SDK2: variants seen among roughly 807,000 people sequenced by gnomAD.
SDK2 encodes sidekick cell adhesion molecule 2.
SDK2 carries 105 observed loss-of-function variants against 253.9 expected under a neutral mutation model. The ratio of observed to expected loss-of-function variants is 0.41; its 90% CI spans 0.35 to 0.49. The LOEUF (loss-of-function observed/expected upper bound fraction) is 0.49, where lower values mean the gene tolerates loss of function less well. SDK2 is among the 20% of genes least tolerant of loss of function. The pLI, the probability that SDK2 is intolerant of heterozygous loss-of-function variation, is 0.06. For synonymous variants in SDK2, 1,249 were observed against 1,234.9 expected, an observed-to-expected ratio of 1.01 and a Z score of -0.24; for missense variants, 2,608 against 3,003.0, an observed-to-expected ratio of 0.87 and a Z score of 3.07.
intron 24 of SDK2, 115 bp downstream of exon 24, chr17:73,397,920 C>T: frequency 8.4e-7 from 1 of 1,192,978 alleles, no homozygotes; most frequent in East Asian, 2.6e-5. Flanking sequence ...GGCATCTCAT[C>T]AGAAAACAGA....
intron 1 of SDK2, among the ~76,000 whole-genome samples, chr17:73,626,884 C>T (rs974464015): frequency 5.3e-5 from 8 of 152,212 alleles, no homozygotes; most frequent in Non-Finnish European, 1.2e-4. Context: ...GTGCTGAGGA[C>T]AGAGGGGCAG....
intron 15 of SDK2, among the ~76,000 whole-genome samples, chr17:73,419,563 T>C (rs1215282104): frequency 6.6e-6 from 1 of 152,076 alleles, no homozygotes; most frequent in Non-Finnish European, 1.5e-5. Context: ...TGTGGATATA[T>C]GTATATGTCT....
At position 73,380,878 on chromosome 17, in the gene SDK2, A is replaced by T; in HGVS notation, c.4762+16T>A. ...GGCCTGGGCCCGCGATGAAGCCACC[A>T]TGCAAGGAGACTTACTGTCCAGCTC... On this transcript the variant is annotated intron_variant, in intron 34 of 44. Transcript: ENST00000392650. 6.6e-7 allele frequency: 1 copy of T among 1,508,106 alleles called. No homozygotes were observed. The highest frequency in any genetic ancestry group is 8.9e-7 in the Non-Finnish European group (1 of 1,117,678). 93.4% of individuals were successfully genotyped at this position (1,508,106 alleles called of 1,614,324 possible).
At chr17:73,472,882 C>T (rs568909601) in intron 2 of SDK2, among the ~76,000 whole-genome samples, 1 of 152,340 alleles carries the variant, frequency 6.6e-6, no homozygotes, top group East Asian at 1.9e-4. Flanking sequence ...CACAAGTTCT[C>T]TCTCTTTGCC....
At chr17:73,456,972 C>T (rs1053915104) in intron 3 of SDK2, among the ~76,000 whole-genome samples, 1 of 152,192 alleles carries the variant, frequency 6.6e-6, no homozygotes, top group Admixed American at 6.5e-5. Context: ...CACCTGGGCA[C>T]CTGTCAGAAA....
intron 40 of SDK2, among the ~76,000 whole-genome samples, chr17:73,355,931 TATC>T (rs1413650126): frequency 6.6e-6 from 1 of 152,212 alleles, no homozygotes; most frequent in Non-Finnish European, 1.5e-5. Context: ...CTTTGAATGA[TATC>T]ATAATGATGA....
chr17:73,419,098 C>T lies in SDK2; in HGVS notation c.2186+68G>A. On this transcript the variant is annotated intron_variant, in intron 16 of 44. Transcript: ENST00000392650. ...CCATGAATTTGCACTGTTTTCCAGT[C>T]CACTCCCGATCTTCCCCCATGCCTT... 4 of 1,548,396 alleles carry T rather than the reference C, an allele frequency of 2.6e-6. No individual in the cohort carries two copies. In the Middle Eastern group the frequency reaches 6.7e-4, roughly 260 times the overall value.
At chr17:73,628,681 G>T (rs570645005) in intron 1 of SDK2, among the ~76,000 whole-genome samples, 1 of 152,234 alleles carries the variant, frequency 6.6e-6, no homozygotes. Flanking sequence ...GGAGAGCCAG[G>T]GAAGTGGCCG....
At chr17:73,633,966 A>T (rs1195187096) in intron 1 of SDK2, among the ~76,000 whole-genome samples, 1 of 152,114 alleles carries the variant, frequency 6.6e-6, no homozygotes, top group Non-Finnish European at 1.5e-5. Context: ...GGACAGGTGG[A>T]GGCGAGATTG....
rs767298414 is a variant in SDK2, at chr17:73,609,606, TTG to T, written c.64+34417_64+34418del. Among the ~76,000 whole-genome samples the T allele has an allele frequency of 1.6e-4, 25 of 152,156 alleles. No homozygotes were observed. The highest frequency in any genetic ancestry group is 2.4e-4 in the Non-Finnish European group (16 of 68,040). The stretch of plus-strand genomic sequence containing the variant: ...CAGGGAAAACGGCTCAAGAGAAGGT[TTG>T]TTTTTTCAAGATGGGAGAAATCACA... On this transcript the variant is annotated intron_variant, in intron 1 of 44. Transcript: ENST00000392650. The surrounding 1 kb of genome is among the most constrained non-coding windows in gnomAD (Gnocchi z 4.4).
In SDK2 at chr17:73,443,500, C is replaced by T. The variant is rs934254398; in HGVS notation, c.614-2577G>A. On this transcript the variant is annotated intron_variant, in intron 5 of 44. Coordinates refer to ENST00000392650, the MANE Select transcript of SDK2 (RefSeq NM_001144952.2). The surrounding 1 kb of genome is among the most constrained non-coding windows in gnomAD (Gnocchi z 4.6). ...CAGACAGTTAGAGCCCAAGCCAGAG[C>T]GCCGCATGGCACAGCCAGGTAAACA... Among the ~76,000 whole-genome samples the T allele has an allele frequency of 2.0e-4, 30 of 152,330 alleles. No homozygotes were observed. The highest frequency in any genetic ancestry group is 2.9e-4 in the Non-Finnish European group (20 of 68,040).
intron 1 of SDK2, among the ~76,000 whole-genome samples, chr17:73,603,313 C>A (rs914413079): frequency 1.3e-5 from 2 of 152,154 alleles, no homozygotes; most frequent in South Asian, 2.1e-4. Flanking sequence ...CCTGGCCATG[C>A]GGGCAGAGGC....
intron 5 of SDK2, among the ~76,000 whole-genome samples, chr17:73,445,748 A>C (rs1204782557): frequency 6.6e-6 from 1 of 152,020 alleles, no homozygotes; most frequent in Admixed American, 6.5e-5. Context: ...TGTGTCACAG[A>C]GAGGAAGAGG....
chr17:73,638,151 GA>G (rs2046355310), intron 1 of SDK2, among the ~76,000 whole-genome samples: 1 of 152,218 alleles, frequency 6.6e-6, no homozygotes, highest in Admixed American at 6.5e-5. Flanking sequence ...GATGGGGCGA[GA>G]GGCCTGGCAG....
In SDK2 at chr17:73,606,076, G is replaced by T. The variant is rs1220113391; in HGVS notation, c.64+37949C>A. 2.0e-5 allele frequency among the ~76,000 whole-genome samples: 3 copies of T among 152,236 alleles called. No individual in the cohort carries two copies. The East Asian group carries it at 5.8e-4, about 29-fold the overall frequency. On this transcript the variant is annotated intron_variant, in intron 1 of 44. Transcript: ENST00000392650. Reference sequence around the variant, plus strand: ...ATGGGATCTCACTAGCAGAGATGGGGCTGTGTTGGTTTTCTTTTGCAAAGA... The same window carrying T: ...ATGGGATCTCACTAGCAGAGATGGGTCTGTGTTGGTTTTCTTTTGCAAAGA...
intron 3 of SDK2, among the ~76,000 whole-genome samples, chr17:73,457,254 CCTT>C (rs2063532743): frequency 1.6e-5 from 1 of 62,630 alleles, no homozygotes; most frequent in African/African-American, 8.5e-5. Flanking sequence ...TTCCTTCCTT[CCTT>C]CCTTCCTTCC....
rs201148895 is a variant in SDK2 at position 73,599,532 on chromosome 17, CAA to C, written c.64+44491_64+44492del. Among the ~76,000 whole-genome samples the C allele has an allele frequency of 6.6e-3, 863 of 129,788 alleles. 7 individuals are homozygous for C. Among genetic ancestry groups the C allele is most frequent in the East Asian group, 0.037 (161 of 4,338 alleles). 85.1% of individuals were successfully genotyped at this position (129,788 alleles called of 152,430 possible). On this transcript the variant is annotated intron_variant, in intron 1 of 44. Coordinates refer to ENST00000392650, the MANE Select transcript of SDK2 (RefSeq NM_001144952.2). ...CCTGGATGACAGTGAGGTTCCATCT[CAA>C]AAAAAAAAATTAAATTAAATAAATA...
intron 1 of SDK2, among the ~76,000 whole-genome samples, chr17:73,589,648 G>A (rs183790117): frequency 1.2e-3 from 178 of 152,360 alleles, no homozygotes; most frequent in Admixed American, 0.011. Flanking sequence ...TCTGTCCTAT[G>A]TCAGCATCAG....
Position 73,437,831 on chromosome 17 carries a change from G to A in SDK2, c.917-9C>T, listed in dbSNP as rs2063381964. ...GACAAACTGAGGCGGTTCTGCAGGA[G>A]GAAGGACCAGGGGAGGGGGTCAGAG... On this transcript the variant is annotated splice_polypyrimidine_tract_variant and intron_variant, in intron 7 of 44. Transcript: ENST00000392650. 1 of 1,613,600 alleles carries A rather than the reference G, an allele frequency of 6.2e-7. No homozygotes were observed. Among genetic ancestry groups the A allele is most frequent in the African/African-American group, 1.3e-5 (1 of 74,926 alleles).
Sources: gnomAD v4.1 joint callset for allele counts (sites outside exome capture counted in the v4.1 genomes callset) on GRCh38, gnomAD v4.1.1 for gene constraint, Gnocchi (gnomAD v3.1) non-coding constraint, MANE v1.5 for transcripts, NCBI Gene and HGNC (gene_info 2026-07-23, HGNC 2026-07-21) for gene names.